SHISA9: variants seen among roughly 807,000 people sequenced by gnomAD.
SHISA9 encodes the protein shisa family member 9, also known as protein shisa-9.
Under a neutral mutation model 38.0 loss-of-function variants are expected in SHISA9, and 13 were observed. The ratio of observed to expected loss-of-function variants is 0.34; its 90% CI spans 0.22 to 0.54. The LOEUF is 0.54. Ranked by LOEUF, SHISA9 falls within the 20% of genes least tolerant of loss-of-function variation. The pLI is 0.91. For missense variants in SHISA9, 538 were observed against 575.8 expected, an observed-to-expected ratio of 0.93 and a Z score of 0.67; for synonymous variants, 275 against 242.0, an observed-to-expected ratio of 1.14 and a Z score of -1.27.
the SHISA9 span, among the ~76,000 whole-genome samples, chr16:13,507,703 A>C: frequency 6.6e-6 from 1 of 152,314 alleles, no homozygotes; most frequent in South Asian, 2.1e-4. Flanking sequence ...GTGAGAGGAG[A>C]CAGTTGTACA....
the SHISA9 span, among the ~76,000 whole-genome samples, chr16:13,390,725 C>T: frequency 6.6e-6 from 1 of 152,284 alleles, no homozygotes; most frequent in African/African-American, 2.4e-5. Flanking sequence ...TTGTGTAGCA[C>T]TTTTCCAGGT....
intron 2 of SHISA9, among the ~76,000 whole-genome samples, chr16:13,083,649 C>T (rs79450525): frequency 0.054 from 8,210 of 152,140 alleles, 353 homozygotes; most frequent in Admixed American, 0.14. Context: ...TCTGGCCTTC[C>T]ATATTCTCAT....
chr16:13,260,379 C>T, the SHISA9 span, among the ~76,000 whole-genome samples: 1 of 152,060 alleles, frequency 6.6e-6, no homozygotes, highest in Non-Finnish European at 1.5e-5. Context: ...CTCTGCTTCC[C>T]TTATAAAGCT....
In SHISA9 at chr16:13,134,931, G is replaced by A. The variant is rs147472774; in HGVS notation, c.692-68463G>A. Among the ~76,000 whole-genome samples the A allele has an allele frequency of 4.2e-3, 641 of 152,238 alleles. 6 individuals carry two copies. Among genetic ancestry groups the A allele is most frequent in the African/African-American group, 0.015 (610 of 41,548 alleles). ...GACTCTTAGCAGAGAGGGAAAAAGA[G>A]ACCTGCAATGACTCTTGAAGCTTCT... On this transcript the variant is annotated intron_variant, in intron 2 of 4. Coordinates refer to ENST00000558583, the MANE Select transcript of SHISA9 (RefSeq NM_001145204.3).
intron 4 of SHISA9, among the ~76,000 whole-genome samples, chr16:13,218,673 G>A (rs56406505): frequency 0.025 from 3,744 of 152,286 alleles, 76 homozygotes; most frequent in South Asian, 0.053. Flanking sequence ...CTTTAAGAGG[G>A]TTTAAATGAG....
intron 1 of SHISA9, among the ~76,000 whole-genome samples, chr16:12,914,486 A>G (rs1421199491): frequency 1.3e-5 from 2 of 152,136 alleles, no homozygotes; most frequent in African/African-American, 4.8e-5. Context: ...ATAGTAGACG[A>G]TAAATATTTG....
chr16:13,035,973 GCTA>G (rs1449669420), intron 2 of SHISA9, among the ~76,000 whole-genome samples: 2 of 152,092 alleles, frequency 1.3e-5, no homozygotes, highest in Admixed American at 1.3e-4. Context: ...CATTAGAATG[GCTA>G]AAATGAAAAA....
At chr16:13,430,239 C>T in the SHISA9 span, among the ~76,000 whole-genome samples, 1 of 152,212 alleles carries the variant, frequency 6.6e-6, no homozygotes, top group Non-Finnish European at 1.5e-5. Flanking sequence ...CAGCCCCTAA[C>T]TGATGAATAC....
the SHISA9 span, among the ~76,000 whole-genome samples, chr16:13,460,054 C>T: frequency 3.3e-5 from 5 of 152,110 alleles, no homozygotes; most frequent in Admixed American, 2.0e-4. Context: ...ATTACAGACA[C>T]GAGCCACCAC....
At chr16:13,296,855 C>G in the SHISA9 span, among the ~76,000 whole-genome samples, 1 of 116,316 alleles carries the variant, frequency 8.6e-6, no homozygotes, top group African/African-American at 3.4e-5. Context: ...CATGCCCTTG[C>G]ACTTCAGCCT....
intron 2 of SHISA9, among the ~76,000 whole-genome samples, chr16:13,187,632 G>A (rs890855748): frequency 6.6e-6 from 1 of 152,122 alleles, no homozygotes; most frequent in African/African-American, 2.4e-5. Context: ...ATTGCGCCCA[G>A]CCCATCTGGG....
chr16:12,982,411 A>G (rs1329578851), intron 2 of SHISA9, among the ~76,000 whole-genome samples: 1 of 152,246 alleles, frequency 6.6e-6, no homozygotes, highest in Non-Finnish European at 1.5e-5. Flanking sequence ...GCACTACACT[A>G]GAATATATTG....
the SHISA9 span, among the ~76,000 whole-genome samples, chr16:13,333,732 G>A: frequency 2.0e-5 from 3 of 152,148 alleles, no homozygotes; most frequent in Non-Finnish European, 4.4e-5. Flanking sequence ...ATAAATATCT[G>A]GAACGTAAAC....
chr16:13,161,971 T>G (rs1195569066), intron 2 of SHISA9, among the ~76,000 whole-genome samples: 1 of 152,240 alleles, frequency 6.6e-6, no homozygotes, highest in African/African-American at 2.4e-5. Context: ...GGCTGTTCTT[T>G]TTTAGGCTGT....
chr16:13,471,127 G>C, the SHISA9 span, among the ~76,000 whole-genome samples: 1 of 151,942 alleles, frequency 6.6e-6, no homozygotes, highest in Non-Finnish European at 1.5e-5. Context: ...ATTTATCCAC[G>C]GACTCACATA....
At chr16:13,262,665 G>A in the SHISA9 span, among the ~76,000 whole-genome samples, 23 of 114,904 alleles carry the variant, frequency 2.0e-4, no homozygotes, top group African/African-American at 7.8e-4. Flanking sequence ...AGGAAGGAAG[G>A]AAGGAAGGGA....
intron 2 of SHISA9, among the ~76,000 whole-genome samples, chr16:13,022,523 G>C (rs1166729157): frequency 2.0e-5 from 3 of 152,008 alleles, no homozygotes; most frequent in East Asian, 3.9e-4. Context: ...TAGAGACGGG[G>C]TTTCACCATG....
chr16:12,903,523 TTTTTA>T (rs955776439), intron 1 of SHISA9, among the ~76,000 whole-genome samples: 1 of 152,136 alleles, frequency 6.6e-6, no homozygotes, highest in Non-Finnish European at 1.5e-5. Flanking sequence ...TTTTAAATTT[TTTTTA>T]TTTTAAGTGT....
At position 13,203,629 on chromosome 16, in the gene SHISA9, A is replaced by T. The variant is rs139230655; in HGVS notation, c.847+80A>T. 50 of 1,319,512 alleles carry T rather than the reference A, an allele frequency of 3.8e-5. No individual in the cohort carries two copies. In the African/African-American group the frequency reaches 7.0e-4, roughly 18 times the overall value. 81.7% of individuals were successfully genotyped at this position (1,319,512 alleles called of 1,614,324 possible). A position where few individuals can be genotyped will look rare whatever the true frequency, so the allele number is the denominator to read the frequency against. ...GCTTCTTGTAGATCTCTTTATCTCC[A>T]GTTTTCTTTCCTAATTCCTTTTTCT... is the stretch of plus-strand genomic sequence containing the variant. On this transcript the variant is annotated intron_variant, in intron 3 of 4. Transcript: ENST00000558583.
Sources: allele counts gnomAD v4.1 joint callset (sites outside exome capture counted in the v4.1 genomes callset), GRCh38; gene constraint gnomAD v4.1.1; transcripts MANE v1.5; gene names NCBI Gene and HGNC (gene_info 2026-07-23, HGNC 2026-07-21).